Variants in KCNIP4 observed in about 807,000 individuals in gnomAD.
KCNIP4 encodes Kv channel-interacting protein 4.
In KCNIP4, 12 loss-of-function variants were observed where a neutral mutation model predicts 34.0. The observed-to-expected ratio is 0.35, with a 90% CI of 0.23 to 0.57. The LOEUF (loss-of-function observed/expected upper bound fraction) is 0.57. Ranked by LOEUF, KCNIP4 falls within the 20% of genes least tolerant of loss-of-function variation. The pLI is 0.83. For missense variants in KCNIP4, 238 were observed against 311.7 expected (o/e 0.76, Z 1.78); for synonymous variants, 124 against 102.2 (o/e 1.21, Z -1.29).
chr4:21,913,634 G>A (rs1048314011), intron 1 of KCNIP4, among the ~76,000 whole-genome samples: 4 of 152,132 alleles, frequency 2.6e-5, no homozygotes, highest in African/African-American at 9.7e-5. Context: ...CTAGGATTTG[G>A]CACTGAATAA....
chr4:21,183,236 T>C (rs1242034788), intron 1 of KCNIP4, among the ~76,000 whole-genome samples: 1 of 152,148 alleles, frequency 6.6e-6, no homozygotes, highest in Non-Finnish European at 1.5e-5. Context: ...ATGTACCACA[T>C]TTTATTTATC....
chr4:20,996,110 A>T (rs1004350792), intron 1 of KCNIP4, among the ~76,000 whole-genome samples: 1 of 152,078 alleles, frequency 6.6e-6, no homozygotes, highest in Non-Finnish European at 1.5e-5. Context: ...AATATGCAAG[A>T]CCCTAAACAA....
chr4:21,702,239 C>T (rs144138570), intron 1 of KCNIP4, among the ~76,000 whole-genome samples: 101 of 152,148 alleles, frequency 6.6e-4, no homozygotes, highest in Non-Finnish European at 9.3e-4. Context: ...GCTGTCTTCT[C>T]TCTGCATCCT....
At chr4:21,178,127 T>C (rs991457355) in intron 1 of KCNIP4, among the ~76,000 whole-genome samples, 6 of 152,152 alleles carry the variant, frequency 3.9e-5, no homozygotes, top group African/African-American at 1.2e-4. Context: ...CATTTCTATC[T>C]TCATTACAAC....
intron 3 of KCNIP4, among the ~76,000 whole-genome samples, chr4:20,843,894 A>G (rs1720057697): frequency 6.6e-6 from 1 of 152,224 alleles, no homozygotes; most frequent in Non-Finnish European, 1.5e-5. Flanking sequence ...ATAATGCATA[A>G]CATAAACTAA....
intron 1 of KCNIP4, among the ~76,000 whole-genome samples, chr4:21,044,160 T>C (rs982577417): frequency 1.3e-5 from 2 of 152,100 alleles, no homozygotes; most frequent in African/African-American, 2.4e-5. Context: ...TTGTATCCAT[T>C]CTGCTCACTC....
intron 1 of KCNIP4, among the ~76,000 whole-genome samples, chr4:21,938,562 G>A (rs774203141): frequency 6.6e-5 from 10 of 152,058 alleles, no homozygotes; most frequent in African/African-American, 1.9e-4. Context: ...TATTATACAC[G>A]ATTGTGTTGT....
intron 5 of KCNIP4, among the ~76,000 whole-genome samples, chr4:20,744,673 C>T (rs535742914): frequency 3.9e-5 from 6 of 152,092 alleles, no homozygotes; most frequent in East Asian, 1.9e-4. Context: ...ATGTAAATGA[C>T]GTGTTAATGG....
chr4:21,610,287 G>A (rs1356835505), intron 1 of KCNIP4, among the ~76,000 whole-genome samples: 1 of 152,166 alleles, frequency 6.6e-6, no homozygotes, highest in East Asian at 1.9e-4. Flanking sequence ...AGACTATGAG[G>A]AATGATCTAT....
rs1378323335 is a variant in KCNIP4 at position 21,245,400 on chromosome 4, G to A, written c.62-362691C>T. ...ATTTGGGGGTAAGAAGATAGATATT[G>A]CAAATTTAAATATAAGCTCCATGAA... On this transcript the variant is annotated intron_variant, in intron 1 of 8. Coordinates refer to ENST00000382152, the MANE Select transcript of KCNIP4 (RefSeq NM_025221.6). Among the ~76,000 whole-genome samples the A allele has an allele frequency of 2.6e-5, 4 of 152,244 alleles. No individual in the cohort carries two copies. In the East Asian group the frequency reaches 7.7e-4, roughly 29 times the overall value.
intron 1 of KCNIP4, among the ~76,000 whole-genome samples, chr4:21,124,832 C>T (rs1349514378): frequency 6.6e-6 from 1 of 152,060 alleles, no homozygotes; most frequent in African/African-American, 2.4e-5. Context: ...TTTTTCCTCT[C>T]CCTCAAGAGC....
At chr4:21,773,953 G>A (rs536837164) in intron 1 of KCNIP4, among the ~76,000 whole-genome samples, 2 of 152,060 alleles carry the variant, frequency 1.3e-5, no homozygotes, top group East Asian at 1.9e-4. Context: ...GGTTAATATT[G>A]TTATGTGTGA....
At chr4:21,907,090 T>C (rs1728046802) in intron 1 of KCNIP4, among the ~76,000 whole-genome samples, 1 of 152,144 alleles carries the variant, frequency 6.6e-6, no homozygotes, top group Admixed American at 6.6e-5. Flanking sequence ...TTTGAGTGTG[T>C]CCCCCACAAT....
At chr4:21,233,463 G>T (rs1294232402) in intron 1 of KCNIP4, among the ~76,000 whole-genome samples, 1 of 152,060 alleles carries the variant, frequency 6.6e-6, no homozygotes, top group Non-Finnish European at 1.5e-5. Context: ...GGAGATTTCT[G>T]AGTATATTTA....
chr4:21,866,537 T>C (rs1725425494), intron 1 of KCNIP4, among the ~76,000 whole-genome samples: 1 of 152,152 alleles, frequency 6.6e-6, no homozygotes, highest in Non-Finnish European at 1.5e-5. Flanking sequence ...TTTAGGAATC[T>C]ACACTTAAAG....
At position 21,757,159 on chromosome 4, in the gene KCNIP4, GA is replaced by G. The variant is rs1252299785; in HGVS notation, c.61+191411del. Among the ~76,000 whole-genome samples, 5 of 40,816 alleles carry G rather than the reference GA, an allele frequency of 1.2e-4. 1 individual carries two copies. The highest frequency in any genetic ancestry group is 9.4e-4 in the South Asian group (1 of 1,064). The allele number at this position is 40,816 out of a possible 152,430, so 26.8% of individuals were successfully genotyped here. ...AGAAAGAAAGAAAGAAAGAAAGAAAGAAAGAAAGAAGGAAGGAAGGAAGGAA... is the reference window on the plus strand; with the variant it reads ...AGAAAGAAAGAAAGAAAGAAAGAAAGAAGAAAGAAGGAAGGAAGGAAGGAA... On this transcript the variant is annotated intron_variant, in intron 1 of 8. Coordinates refer to ENST00000382152, the MANE Select transcript of KCNIP4 (RefSeq NM_025221.6).
chr4:20,864,818 A>G (rs1722704623), intron 2 of KCNIP4, among the ~76,000 whole-genome samples: 1 of 152,150 alleles, frequency 6.6e-6, no homozygotes, highest in South Asian at 2.1e-4. Flanking sequence ...TATCAGTGGC[A>G]GAACTGGGCC....
At chr4:21,923,371 C>G (rs1423088255) in intron 1 of KCNIP4, among the ~76,000 whole-genome samples, 1 of 152,154 alleles carries the variant, frequency 6.6e-6, no homozygotes, top group African/African-American at 2.4e-5. Flanking sequence ...CATCTGAGGT[C>G]AGGAGTTCGA....
intron 1 of KCNIP4, among the ~76,000 whole-genome samples, chr4:21,776,469 G>A (rs943834543): frequency 3.9e-5 from 6 of 152,104 alleles, no homozygotes; most frequent in African/African-American, 9.7e-5. Context: ...TAGAAAGTGT[G>A]GTGAACAGGC....
Sources: allele counts gnomAD v4.1 joint callset (sites outside exome capture counted in the v4.1 genomes callset), GRCh38; gene constraint gnomAD v4.1.1; transcripts MANE v1.5; gene names NCBI Gene and HGNC (gene_info 2026-07-23, HGNC 2026-07-21).